Variants in COPG2 observed in about 807,000 individuals in gnomAD.
COPG2 encodes the protein coatomer subunit gamma-2.
Under a neutral mutation model 46.3 loss-of-function variants are expected in COPG2, and 37 were observed. That is an observed-to-expected ratio of 0.80 (90% CI 0.61 to 1.05). The LOEUF (loss-of-function observed/expected upper bound fraction) is 1.05. Ranked by LOEUF, COPG2 falls within the 50% of genes least tolerant of loss-of-function variation. The pLI, the probability that COPG2 is intolerant of heterozygous loss-of-function variation, is 0.00. For missense variants in COPG2, 427 were observed against 387.8 expected (o/e 1.10, Z -0.85); for synonymous variants, 159 against 129.7 (o/e 1.23, Z -1.53).
chr7:130,597,513 C>A (rs149767363), intron 9 of COPG2, among the ~76,000 whole-genome samples: 22,200 of 152,090 alleles, frequency 0.15, 2,957 homozygotes, highest in African/African-American at 0.35. Context: ...TATGCTGACA[C>A]CTTGTTGGCT....
chr7:130,511,691 A>G (rs373486415), intron 20 of COPG2: 1 of 513,308 alleles, frequency 1.9e-6, no homozygotes. Flanking sequence ...AGGAAAGAAA[A>G]TATTACATAA....
At chr7:130,577,686 G>A (rs1554446458) in intron 9 of COPG2, among the ~76,000 whole-genome samples, 3 of 150,798 alleles carry the variant, frequency 2.0e-5, no homozygotes, top group South Asian at 4.2e-4. Context: ...GCGTGAACCC[G>A]GGAAGCGGAG....
intron 5 of COPG2, among the ~76,000 whole-genome samples, chr7:130,651,728 G>A (rs1795751759): frequency 6.6e-6 from 1 of 151,512 alleles, no homozygotes; most frequent in Admixed American, 6.6e-5. Context: ...TTGTTAGCCA[G>A]GATGGTCTCG....
chr7:130,662,900 C>A, intron 4 of COPG2, 67 bp downstream of exon 4: 9 of 934,154 alleles, frequency 9.6e-6, no homozygotes, highest in Non-Finnish European at 1.3e-5. Flanking sequence ...TTAGAACACT[C>A]TTAGTTCCCT....
chr7:130,571,617 C>G (rs1244248544), intron 9 of COPG2, among the ~76,000 whole-genome samples: 1 of 152,096 alleles, frequency 6.6e-6, no homozygotes, highest in Non-Finnish European at 1.5e-5. Context: ...CTAGGACAAC[C>G]ACTATGGAAA....
At chr7:130,642,407 T>C (rs1298918482) in intron 5 of COPG2, among the ~76,000 whole-genome samples, 1 of 152,170 alleles carries the variant, frequency 6.6e-6, no homozygotes, top group Non-Finnish European at 1.5e-5. Flanking sequence ...CCATTTCCAA[T>C]CAATTTCCTC....
chr7:130,523,754 G>C (rs1339583698), intron 20 of COPG2, among the ~76,000 whole-genome samples: 3 of 149,824 alleles, frequency 2.0e-5, no homozygotes, highest in Non-Finnish European at 4.5e-5. Flanking sequence ...TGAGAGCAGA[G>C]AGCAGGGGAT....
chr7:130,537,810 A>G (rs955167674), intron 20 of COPG2, among the ~76,000 whole-genome samples: 19 of 152,178 alleles, frequency 1.2e-4, no homozygotes, highest in Admixed American at 3.3e-4. Flanking sequence ...TGGAGGAGAA[A>G]GCATGGTGTG....
intron 9 of COPG2, among the ~76,000 whole-genome samples, chr7:130,595,007 C>A (rs1166250082): frequency 6.6e-6 from 1 of 152,138 alleles, no homozygotes; most frequent in East Asian, 1.9e-4. Context: ...CAGTTCTGAT[C>A]CTAGGTATGT....
intron 3 of COPG2, 108 bp from the exon 4 acceptor site, chr7:130,663,146 A>C: frequency 1.6e-6 from 1 of 606,918 alleles, no homozygotes; most frequent in Middle Eastern, 4.6e-4. Context: ...TTTAGAACTC[A>C]AGAAAAAAGA....
chr7:130,520,602 A>G (rs981622002), intron 20 of COPG2, among the ~76,000 whole-genome samples: 1 of 152,212 alleles, frequency 6.6e-6, no homozygotes, highest in Non-Finnish European at 1.5e-5. Flanking sequence ...ACCCAAGCCT[A>G]CTTGAGATAG....
At chr7:130,594,567 A>G (rs1417661159) in intron 9 of COPG2, among the ~76,000 whole-genome samples, 1 of 152,246 alleles carries the variant, frequency 6.6e-6, no homozygotes, top group Non-Finnish European at 1.5e-5. Context: ...AAGAAAGTGA[A>G]GAGATGACCC....
chr7:130,525,953 A>ATGAG (rs1387048454), intron 20 of COPG2, among the ~76,000 whole-genome samples: 10 of 152,280 alleles, frequency 6.6e-5, no homozygotes, highest in African/African-American at 2.4e-4. Flanking sequence ...GAAAGAAGAA[A>ATGAG]TGAGTGACCT....
At chr7:130,525,529 G>A (rs1325553910) in intron 20 of COPG2, among the ~76,000 whole-genome samples, 2 of 152,214 alleles carry the variant, frequency 1.3e-5, no homozygotes, top group Non-Finnish European at 1.5e-5. Flanking sequence ...TGGGTAGAAA[G>A]ATGCTTGCAA....
intron 7 of COPG2, among the ~76,000 whole-genome samples, chr7:130,612,978 T>C (rs1307741839): frequency 6.6e-6 from 1 of 152,212 alleles, no homozygotes; most frequent in African/African-American, 2.4e-5. Context: ...TTTTATTATG[T>C]GTACAACATA....
In COPG2 at chr7:130,616,993, G is replaced by A. The variant is rs782027393; in HGVS notation, c.396C>T (p.Thr132=). The change falls in exon 6 of 24, where the codon ACC becomes ACT. Residue 132 remains threonine, a synonymous_variant. Coordinates refer to ENST00000425248, the MANE Select transcript of COPG2 (RefSeq NM_012133.6). ...CTCAGTGAAACAGATAACTTACATC[G>A]GTGATCCTGCAGAGAGCTCTGATGG... ...GPAIRALCRI[T]DGTMLQAIER... 31 of 1,603,378 alleles carry A rather than the reference G, an allele frequency of 1.9e-5. No homozygotes were observed. Among genetic ancestry groups the A allele is most frequent in the South Asian group, 1.7e-4 (15 of 90,402 alleles).
chr7:130,665,950 A>G (rs1796070777), intron 3 of COPG2, among the ~76,000 whole-genome samples: 1 of 152,176 alleles, frequency 6.6e-6, no homozygotes, highest in African/African-American at 2.4e-5. Context: ...CCCAACACCT[A>G]AAACAGTGCA....
intron 9 of COPG2, among the ~76,000 whole-genome samples, chr7:130,577,767 C>CAAAAAAAAAAAAAA (rs782674348): frequency 1.7e-4 from 13 of 78,088 alleles, no homozygotes; most frequent in African/African-American, 4.7e-4. Flanking sequence ...GACTCCGTCT[C>CAAAAAAAAAAAAAA]AAAAAAAAAA....
At chr7:130,627,561 T>C (rs1761711421) in intron 5 of COPG2, among the ~76,000 whole-genome samples, 1 of 152,148 alleles carries the variant, frequency 6.6e-6, no homozygotes, top group Admixed American at 6.5e-5. Context: ...TCCACTTTTT[T>C]AAAGAATCCG....
Sources: allele counts gnomAD v4.1 joint callset (sites outside exome capture counted in the v4.1 genomes callset), GRCh38; gene constraint gnomAD v4.1.1; transcripts MANE v1.5; gene names NCBI Gene and HGNC (gene_info 2026-07-23, HGNC 2026-07-21).